Variants in ARHGAP39 observed in about 807,000 individuals in gnomAD.
ARHGAP39 encodes the protein rho GTPase-activating protein 39.
In ARHGAP39, 44 loss-of-function variants were observed where a neutral mutation model predicts 106.9. The observed-to-expected ratio is 0.41, with a 90% CI of 0.32 to 0.53. The LOEUF is 0.53. Ranked by LOEUF, ARHGAP39 falls within the 20% of genes least tolerant of loss-of-function variation. The pLI is 0.21. For missense variants in ARHGAP39, 1,496 were observed against 1,577.3 expected, an observed-to-expected ratio of 0.95 and a Z score of 0.87; for synonymous variants, 768 against 693.2, an observed-to-expected ratio of 1.11 and a Z score of -1.69.
Position 144,613,106 on chromosome 8 carries a change from G to A in ARHGAP39, c.-81-7411C>T, listed in dbSNP as rs564117358. 2.6e-5 allele frequency among the ~76,000 whole-genome samples: 4 copies of A among 152,220 alleles called. No homozygotes were observed. In the East Asian group the frequency reaches 5.8e-4, roughly 22 times the overall value. ...TACTTTGTCATACTCTGCCTTCAAC[G>A]GCTATTCTACCACTTCAAATATATG... is the stretch of plus-strand genomic sequence containing the variant. On this transcript the variant is annotated intron_variant, in intron 1 of 11. Transcript: ENST00000377307.
chr8:144,684,867 C>T lies in ARHGAP39; in HGVS notation c.-82+819G>A, dbSNP rs1822536395. 6.6e-6 allele frequency among the ~76,000 whole-genome samples: 1 copy of T among 152,208 alleles called. No homozygotes were observed. Among genetic ancestry groups the T allele is most frequent in the African/African-American group, 2.4e-5 (1 of 41,452 alleles). On this transcript the variant is annotated intron_variant, in intron 1 of 11. Coordinates refer to ENST00000377307, the MANE Select transcript of ARHGAP39 (RefSeq NM_025251.3). This position sits in a 1 kb window ranked among gnomAD's most constrained non-coding sequence, Gnocchi z 4.4. ...GAGCCCACCCGCAGGCGGCCATGAC[C>T]CCACCTGGAGACGCCCATGTCCGCT...
the ARHGAP39 span, among the ~76,000 whole-genome samples, chr8:144,698,453 G>A: frequency 6.6e-6 from 1 of 152,212 alleles, no homozygotes; most frequent in Non-Finnish European, 1.5e-5. Flanking sequence ...GCTTCGTAAA[G>A]TGAATTGAGG....
In ARHGAP39 at chr8:144,641,660, G is replaced by A. The variant is rs1821315996; in HGVS notation, c.-81-35965C>T. Among the ~76,000 whole-genome samples, 1 of 152,272 alleles carries A rather than the reference G, an allele frequency of 6.6e-6. No homozygotes were observed. Among genetic ancestry groups the A allele is most frequent in the Non-Finnish European group, 1.5e-5 (1 of 68,056 alleles). On this transcript the variant is annotated intron_variant, in intron 1 of 11. Transcript: ENST00000377307. The surrounding 1 kb of genome is among the most constrained non-coding windows in gnomAD (Gnocchi z 5.2). ...CCGCCAAAAGCAGAGCCTGAGACGA[G>A]GATGTGGCTTCATGGGCTCTATTTA...
chr8:144,627,158 T>A (rs560914319), intron 1 of ARHGAP39, among the ~76,000 whole-genome samples: 1 of 152,282 alleles, frequency 6.6e-6, no homozygotes, highest in South Asian at 2.1e-4. Flanking sequence ...CCGACCGCCA[T>A]CCCAGTGTCT....
chr8:144,636,200 G>A (rs937834455), intron 1 of ARHGAP39, among the ~76,000 whole-genome samples: 21 of 152,212 alleles, frequency 1.4e-4, no homozygotes, highest in Non-Finnish European at 1.5e-5. Flanking sequence ...TTTGTGGCTG[G>A]TATGGAGAAA....
intron 1 of ARHGAP39, among the ~76,000 whole-genome samples, chr8:144,627,400 A>G (rs537855156): frequency 2.0e-4 from 31 of 152,120 alleles, no homozygotes; most frequent in Admixed American, 5.2e-4. Flanking sequence ...AAAATACAAG[A>G]AAAAATCAGC....
chr8:144,580,218 C>T (rs1471354791), intron 3 of ARHGAP39, among the ~76,000 whole-genome samples: 1 of 152,098 alleles, frequency 6.6e-6, no homozygotes, highest in Non-Finnish European at 1.5e-5. Context: ...TCCAGAGGAC[C>T]ACCTCCAAGC....
chr8:144,659,303 A>C (rs1821767921), intron 1 of ARHGAP39, among the ~76,000 whole-genome samples: 1 of 152,242 alleles, frequency 6.6e-6, no homozygotes, highest in Non-Finnish European at 1.5e-5. Flanking sequence ...GAAGGCTTGG[A>C]GGAAACACCT....
intron 1 of ARHGAP39, among the ~76,000 whole-genome samples, chr8:144,630,326 C>T (rs896813026): frequency 3.9e-5 from 6 of 152,242 alleles, no homozygotes; most frequent in Non-Finnish European, 4.4e-5. Context: ...TGTCTTCATT[C>T]TACCTTGACA....
chr8:144,622,992 A>G (rs1773935851), intron 1 of ARHGAP39, among the ~76,000 whole-genome samples: 1 of 152,236 alleles, frequency 6.6e-6, no homozygotes, highest in Non-Finnish European at 1.5e-5. Context: ...AGCTCTTATC[A>G]CAGTCCTGGC....
At chr8:144,543,935 T>TGGA (rs1436564574) in intron 6 of ARHGAP39, 103 of 152,384 alleles carry the variant, frequency 6.8e-4, no homozygotes, top group African/African-American at 2.3e-3. Context: ...CTCAGCTCCA[T>TGGA]AGCCTCCAGC....
At position 144,605,813 on chromosome 8, in the gene ARHGAP39, C is replaced by T. The variant is rs1456128407; in HGVS notation, c.-81-118G>A. On this transcript the variant is annotated intron_variant, in intron 1 of 11. Transcript: ENST00000377307. Reference sequence around the variant, plus strand: ...GGATGACGATGGACTCCACGGCACCCGTGAGCCGCCCCCGGGCAGCCAACC... The same window carrying T: ...GGATGACGATGGACTCCACGGCACCTGTGAGCCGCCCCCGGGCAGCCAACC... 1.3e-5 allele frequency: 8 copies of T among 608,398 alleles called. No individual in the cohort carries two copies. The East Asian group carries it at 1.7e-4, about 13-fold the overall frequency. The allele number at this position is 608,398 out of a possible 1,614,324, so 37.7% of individuals were successfully genotyped here.
At chr8:144,601,655 T>TGC (rs1819958763) in intron 2 of ARHGAP39, among the ~76,000 whole-genome samples, 1 of 144,556 alleles carries the variant, frequency 6.9e-6, no homozygotes, top group African/African-American at 2.6e-5. Context: ...TACCTGTGTG[T>TGC]GCATGGATGC....
At chr8:144,531,413 AGGGC>A (rs1816721404) in intron 10 of ARHGAP39, among the ~76,000 whole-genome samples, 1 of 2,142 alleles carries the variant, frequency 4.7e-4, no homozygotes. Flanking sequence ...GCACGGCAGA[AGGGC>A]ACAGGGCAGG....
intron 7 of ARHGAP39, among the ~76,000 whole-genome samples, chr8:144,534,484 G>A (rs1455876371): frequency 6.6e-6 from 1 of 152,214 alleles, no homozygotes; most frequent in Non-Finnish European, 1.5e-5. Context: ...GGAAGGGCAG[G>A]ACCTGGGTCT....
intron 1 of ARHGAP39, 29 bp from the exon 2 acceptor site, chr8:144,605,724 A>T (rs1488029251): frequency 9.4e-7 from 1 of 1,069,122 alleles, no homozygotes; most frequent in East Asian, 2.4e-5. Context: ...AACAGTGCTG[A>T]TATGGAAGAC....
At chr8:144,605,738 T>A in intron 1 of ARHGAP39, 43 bp from the exon 2 acceptor site, 1 of 894,984 alleles carries the variant, frequency 1.1e-6, no homozygotes, top group Non-Finnish European at 1.8e-6. Context: ...GGAAGACGCC[T>A]CACCACACCA....
At chr8:144,607,929 G>A (rs1340734545) in intron 1 of ARHGAP39, among the ~76,000 whole-genome samples, 1 of 152,130 alleles carries the variant, frequency 6.6e-6, no homozygotes, top group Non-Finnish European at 1.5e-5. Flanking sequence ...GGCCGAGGCG[G>A]GTGGATCATT....
intron 4 of ARHGAP39, among the ~76,000 whole-genome samples, chr8:144,551,525 G>A (rs1817689870): frequency 6.6e-6 from 1 of 152,184 alleles, no homozygotes; most frequent in Non-Finnish European, 1.5e-5. Context: ...CTCTCCCCAG[G>A]CCACGCAGCA....
Sources: gnomAD v4.1 joint callset for allele counts (sites outside exome capture counted in the v4.1 genomes callset) on GRCh38, gnomAD v4.1.1 for gene constraint, Gnocchi (gnomAD v3.1) non-coding constraint, MANE v1.5 for transcripts, NCBI Gene and HGNC (gene_info 2026-07-23, HGNC 2026-07-21) for gene names.